The following MCC variants were observed in gnomAD, a reference collection of about 807,000 sequenced individuals.
The protein encoded by MCC is MCC regulator of Wnt signaling pathway, also known as colorectal mutant cancer protein.
A neutral mutation model predicts 116.2 loss-of-function variants in MCC; 90 were observed. The ratio of observed to expected loss-of-function variants is 0.77; its 90% CI spans 0.65 to 0.92. The LOEUF (loss-of-function observed/expected upper bound fraction) is 0.92. Among genes scored for constraint, MCC ranks in the 40% least tolerant of loss-of-function variants. The pLI is 0.00. For missense variants in MCC, 1,516 were observed against 1,312.2 expected, an observed-to-expected ratio of 1.16 and a Z score of -2.40; for synonymous variants, 578 against 510.5, an observed-to-expected ratio of 1.13 and a Z score of -1.78.
Position 113,434,546 on chromosome 5 carries a change from G to A in MCC, c.171-49334C>T. 6.2e-7 allele frequency: 1 copy of A among 1,613,210 alleles called. No individual in the cohort carries two copies. The highest frequency in any genetic ancestry group is 1.1e-5 in the South Asian group (1 of 91,046). ...CTCCCCGGGTTTTGATTAACTCGAG[G>A]AGGTCGCCCTGGACCGCGAGCTCCA... On this transcript the variant is annotated intron_variant, in intron 1 of 18. Transcript: ENST00000408903. This position sits in a 1 kb window ranked among gnomAD's most constrained non-coding sequence, Gnocchi z 4.2.
intron 3 of MCC, among the ~76,000 whole-genome samples, chr5:113,276,457 T>C (rs1765828502): frequency 6.6e-6 from 1 of 152,094 alleles, no homozygotes; most frequent in South Asian, 2.1e-4. Context: ...TTACACTATT[T>C]TCCCTCTCTC....
intron 3 of MCC, among the ~76,000 whole-genome samples, chr5:113,217,678 CT>C (rs1484008806): frequency 6.6e-6 from 1 of 152,196 alleles, no homozygotes; most frequent in Non-Finnish European, 1.5e-5. Context: ...CAAACTCTGC[CT>C]TCCACCTGTG....
At chr5:113,474,620 T>C (rs966830744) in intron 1 of MCC, among the ~76,000 whole-genome samples, 11 of 152,130 alleles carry the variant, frequency 7.2e-5, no homozygotes, top group African/African-American at 2.2e-4. Context: ...TTCTGTGTTA[T>C]AGAAAAATGA....
intron 3 of MCC, among the ~76,000 whole-genome samples, chr5:113,310,201 G>C (rs559229772): frequency 2.6e-4 from 39 of 152,294 alleles, no homozygotes; most frequent in African/African-American, 8.2e-4. Flanking sequence ...CTTTGGGAAG[G>C]CTCCACTCTC....
intron 1 of MCC, among the ~76,000 whole-genome samples, chr5:113,473,231 A>G (rs1013758267): frequency 9.2e-5 from 14 of 152,190 alleles, no homozygotes; most frequent in Non-Finnish European, 2.1e-4. Flanking sequence ...TGGAGTAGTC[A>G]AGATAAAACT....
intron 1 of MCC, among the ~76,000 whole-genome samples, chr5:113,460,551 C>G (rs1429201830): frequency 1.3e-5 from 2 of 152,220 alleles, no homozygotes; most frequent in African/African-American, 2.4e-5. Context: ...CCATTACAAG[C>G]TGTGGGGAAC....
chr5:113,283,657 T>TC (rs543397108), intron 3 of MCC, among the ~76,000 whole-genome samples: 6 of 152,018 alleles, frequency 3.9e-5, no homozygotes, highest in East Asian at 1.9e-4. Context: ...ATCTCATTAT[T>TC]CCCCCCGCAA....
At chr5:113,416,994 G>A (rs1267616849) in intron 1 of MCC, among the ~76,000 whole-genome samples, 2 of 131,994 alleles carry the variant, frequency 1.5e-5, no homozygotes, top group Admixed American at 8.1e-5. Flanking sequence ...TTTTTGAGAC[G>A]GAGTCTTGCT....
chr5:113,434,910 T>C lies in MCC; in HGVS notation c.171-49698A>G. On this transcript the variant is annotated intron_variant, in intron 1 of 18. Transcript: ENST00000408903. The surrounding 1 kb of genome is among the most constrained non-coding windows in gnomAD (Gnocchi z 4.2). ...CGAGGCGCATGGGCCAGCAGTGTGCTCATTTACATCCTGGATAGAGAGTCC... is the reference window on the plus strand; with the variant it reads ...CGAGGCGCATGGGCCAGCAGTGTGCCCATTTACATCCTGGATAGAGAGTCC... 2 of 1,525,968 alleles carry C rather than the reference T, an allele frequency of 1.3e-6. No individual in the cohort carries two copies. Among genetic ancestry groups the C allele is most frequent in the Non-Finnish European group, 1.8e-6 (2 of 1,134,190 alleles). 94.5% of individuals were successfully genotyped at this position (1,525,968 alleles called of 1,614,324 possible). A position where few individuals can be genotyped will look rare whatever the true frequency, so the allele number is the denominator to read the frequency against.
chr5:113,355,353 A>C (rs1046153422), intron 2 of MCC, among the ~76,000 whole-genome samples: 3 of 152,250 alleles, frequency 2.0e-5, no homozygotes, highest in African/African-American at 4.8e-5. Context: ...CCTATTGTGC[A>C]TTTCATAGGT....
At chr5:113,398,137 C>T (rs143285787) in intron 1 of MCC, among the ~76,000 whole-genome samples, 26 of 152,148 alleles carry the variant, frequency 1.7e-4, no homozygotes, top group African/African-American at 5.8e-4. Flanking sequence ...CAGTGAGGTA[C>T]CATCTCACAC....
intron 3 of MCC, among the ~76,000 whole-genome samples, chr5:113,216,370 GT>G (rs150316345): frequency 0.012 from 1,827 of 152,278 alleles, 32 homozygotes; most frequent in African/African-American, 0.037. Context: ...CCAGGATTCT[GT>G]CAGTCTGCTT....
At chr5:113,266,238 T>TACAC (rs58228493) in intron 3 of MCC, among the ~76,000 whole-genome samples, 1,985 of 149,094 alleles carry the variant, frequency 0.013, 37 homozygotes, top group African/African-American at 0.041. Context: ...TCACCCCTTC[T>TACAC]ACACACACAC....
chr5:113,065,752 A>T (rs1753559215), intron 13 of MCC, among the ~76,000 whole-genome samples: 1 of 152,256 alleles, frequency 6.6e-6, no homozygotes, highest in Non-Finnish European at 1.5e-5. Context: ...GCATGTCACA[A>T]ATGAGTTCCT....
At chr5:113,202,185 T>G (rs1218171176) in intron 3 of MCC, among the ~76,000 whole-genome samples, 2 of 151,682 alleles carry the variant, frequency 1.3e-5, no homozygotes, top group Non-Finnish European at 2.9e-5. Context: ...TGTGATTAAC[T>G]GATTCAATGT....
chr5:113,143,472 C>T, intron 4 of MCC, 112 bp from the exon 5 acceptor site: 1 of 1,118,438 alleles, frequency 8.9e-7, no homozygotes, highest in Non-Finnish European at 1.3e-6. Context: ...GAGTATGCCC[C>T]AAATAAAATG....
intron 3 of MCC, among the ~76,000 whole-genome samples, chr5:113,165,481 G>A (rs1428420399): frequency 6.6e-6 from 1 of 152,140 alleles, no homozygotes; most frequent in Admixed American, 6.5e-5. Flanking sequence ...AATTAATAAA[G>A]TATGGCAGGG....
chr5:113,085,113 C>T, intron 9 of MCC, 51 bp downstream of exon 9: 1 of 1,612,376 alleles, frequency 6.2e-7, no homozygotes. Flanking sequence ...CCTGGTGCTT[C>T]CAGATAACAG....
intron 6 of MCC, among the ~76,000 whole-genome samples, chr5:113,108,549 A>T (rs1277266838): frequency 6.7e-6 from 1 of 149,992 alleles, no homozygotes; most frequent in Non-Finnish European, 1.5e-5. Context: ...GCTACTCAGG[A>T]GGCTGAGGCA....
Sources: allele counts gnomAD v4.1 joint callset (sites outside exome capture counted in the v4.1 genomes callset), GRCh38; gene constraint gnomAD v4.1.1; non-coding constraint Gnocchi (gnomAD v3.1); transcripts MANE v1.5; gene names NCBI Gene and HGNC (gene_info 2026-07-23, HGNC 2026-07-21).